PREX2: variants seen among roughly 807,000 people sequenced by gnomAD.
PREX2 encodes phosphatidylinositol-3,4,5-trisphosphate dependent Rac exchange factor 2.
Under a neutral mutation model 203.2 loss-of-function variants are expected in PREX2, and 107 were observed. The ratio of observed to expected loss-of-function variants is 0.53; its 90% CI spans 0.45 to 0.62. The LOEUF (loss-of-function observed/expected upper bound fraction) is 0.62, where lower values mean the gene tolerates loss of function less well. Among genes scored for constraint, PREX2 ranks in the 20% least tolerant of loss-of-function variants. The pLI, the probability that PREX2 is intolerant of heterozygous loss-of-function variation, is 0.00. For synonymous variants in PREX2, 672 were observed against 663.6 expected, an observed-to-expected ratio of 1.01 and a Z score of -0.19; for missense variants, 1,777 against 1,955.9, an observed-to-expected ratio of 0.91 and a Z score of 1.72.
rs1811264253 is a variant in PREX2, at chr8:68,143,389, G to A, written c.4088-2820G>A. ...GTGCCTGCTACCCCTTTCGTCTTCT[G>A]CCATGGTTATAAGTTTCCTGAGGCC... On this transcript the variant is annotated intron_variant, in intron 33 of 39. Transcript: ENST00000288368. 3.3e-5 allele frequency among the ~76,000 whole-genome samples: 5 copies of A among 152,090 alleles called. No individual in the cohort carries two copies. In the South Asian group the frequency reaches 1.0e-3, roughly 32 times the overall value.
chr8:68,224,744 A>G (rs1015850901), intron 39 of PREX2, 118 bp downstream of exon 39: 9 of 702,510 alleles, frequency 1.3e-5, no homozygotes, highest in African/African-American at 1.2e-4. Context: ...GATTGTAATT[A>G]CGGAGATTGC....
chr8:68,001,973 GA>G, intron 1 of PREX2, among the ~76,000 whole-genome samples: 1 of 151,822 alleles, frequency 6.6e-6, no homozygotes. Flanking sequence ...AAGAGGGGCA[GA>G]AAAAATACTA....
chr8:68,141,280 A>T (rs142530318), intron 33 of PREX2, among the ~76,000 whole-genome samples: 146 of 152,260 alleles, frequency 9.6e-4, no homozygotes, highest in African/African-American at 3.0e-3. Context: ...CAATGGTCAT[A>T]TGGGTCATTT....
intron 34 of PREX2, among the ~76,000 whole-genome samples, chr8:68,147,710 G>A (rs916237922): frequency 1.3e-5 from 2 of 152,156 alleles, no homozygotes; most frequent in African/African-American, 4.8e-5. Context: ...AATTACCATA[G>A]TTTAAAAACT....
intron 37 of PREX2, among the ~76,000 whole-genome samples, chr8:68,209,381 C>A (rs1040732069): frequency 6.6e-6 from 1 of 151,924 alleles, no homozygotes; most frequent in African/African-American, 2.4e-5. Flanking sequence ...AAAGGAGAAC[C>A]CTCATAAAGT....
At chr8:68,087,533 G>A (rs1219292233) in intron 18 of PREX2, among the ~76,000 whole-genome samples, 191 bp from the exon 19 acceptor site, 5 of 152,146 alleles carry the variant, frequency 3.3e-5, no homozygotes, top group Admixed American at 3.3e-4. Flanking sequence ...TAACGACTGT[G>A]TTCAGTTTAG....
intron 39 of PREX2, among the ~76,000 whole-genome samples, chr8:68,224,886 A>G (rs1388683227): frequency 1.3e-5 from 2 of 152,126 alleles, no homozygotes; most frequent in Non-Finnish European, 2.9e-5. Flanking sequence ...AAAATTTGAA[A>G]TCCAGCTGTG....
intron 26 of PREX2, among the ~76,000 whole-genome samples, chr8:68,116,321 T>C (rs1215796310): frequency 6.6e-6 from 1 of 152,168 alleles, no homozygotes; most frequent in African/African-American, 2.4e-5. Context: ...CTCTTTTTTC[T>C]CTCTTTTCTT....
intron 14 of PREX2, among the ~76,000 whole-genome samples, chr8:68,073,596 C>T (rs1809262696): frequency 6.6e-6 from 1 of 152,120 alleles, no homozygotes; most frequent in Non-Finnish European, 1.5e-5. Flanking sequence ...ACATTTATTA[C>T]ATTTAGAAGT....
At chr8:68,099,621 T>C in intron 22 of PREX2, 61 bp from the exon 23 acceptor site, 1 of 1,464,092 alleles carries the variant, frequency 6.8e-7, no homozygotes, top group Non-Finnish European at 9.3e-7. Flanking sequence ...TTTGTTTTTC[T>C]ATGTGTGTGT....
chr8:68,206,877 A>T (rs1481554012), intron 37 of PREX2, among the ~76,000 whole-genome samples: 1 of 152,138 alleles, frequency 6.6e-6, no homozygotes, highest in Non-Finnish European at 1.5e-5. Flanking sequence ...CAGCCGTAGT[A>T]TGTAGCGTCA....
chr8:68,117,888 C>T (rs1810688907), intron 26 of PREX2, among the ~76,000 whole-genome samples: 1 of 152,116 alleles, frequency 6.6e-6, no homozygotes, highest in Non-Finnish European at 1.5e-5. Flanking sequence ...AATCACAGAA[C>T]AGTATTTTGT....
intron 6 of PREX2, among the ~76,000 whole-genome samples, chr8:68,032,812 G>C (rs546344039): frequency 6.6e-6 from 1 of 152,268 alleles, no homozygotes; most frequent in African/African-American, 2.4e-5. Flanking sequence ...AAGTTCAGAC[G>C]TAGGGTGGCA....
intron 30 of PREX2, among the ~76,000 whole-genome samples, chr8:68,121,619 GA>G (rs1810776487): frequency 6.6e-6 from 1 of 152,130 alleles, no homozygotes; most frequent in African/African-American, 2.4e-5. Context: ...ATGTTGTTTA[GA>G]ATCAGTGTGA....
chr8:68,203,888 C>G (rs966448980), intron 37 of PREX2, among the ~76,000 whole-genome samples: 8 of 152,166 alleles, frequency 5.3e-5, no homozygotes, highest in African/African-American at 1.9e-4. Context: ...AAACCACATA[C>G]TAGACATCTC....
At chr8:68,158,169 T>TCA (rs1811582909) in intron 35 of PREX2, among the ~76,000 whole-genome samples, 3 of 150,454 alleles carry the variant, frequency 2.0e-5, no homozygotes, top group African/African-American at 7.3e-5. Context: ...GTATATATAT[T>TCA]CACACACACA....
chr8:68,135,689 A>G (rs1189300009), intron 32 of PREX2, among the ~76,000 whole-genome samples: 1 of 152,244 alleles, frequency 6.6e-6, no homozygotes, highest in Non-Finnish European at 1.5e-5. Context: ...TATGAACCAC[A>G]GAGTTTCCAT....
chr8:68,118,148 G>A (rs998793418), intron 26 of PREX2, among the ~76,000 whole-genome samples: 1 of 152,168 alleles, frequency 6.6e-6, no homozygotes, highest in Non-Finnish European at 1.5e-5. Flanking sequence ...AAGGTCAGGA[G>A]ATGGAGACCA....
intron 11 of PREX2, 109 bp from the exon 12 acceptor site, chr8:68,068,924 A>G (rs898593748): frequency 8.7e-6 from 4 of 458,020 alleles, no homozygotes; most frequent in Non-Finnish European, 1.5e-5. Flanking sequence ...GCCTTTTGTA[A>G]AACTAAAAGT....
Sources: gnomAD v4.1 joint callset for allele counts (sites outside exome capture counted in the v4.1 genomes callset) on GRCh38, gnomAD v4.1.1 for gene constraint, MANE v1.5 for transcripts, NCBI Gene and HGNC (gene_info 2026-07-23, HGNC 2026-07-21) for gene names.